Variants in CCDC102B observed in about 807,000 individuals in gnomAD.
The protein encoded by CCDC102B is coiled-coil domain containing 102B, also known as coiled-coil domain-containing protein 102B.
A neutral mutation model predicts 57.4 loss-of-function variants in CCDC102B; 75 were observed. That is an observed-to-expected ratio of 1.31 (90% CI 1.08 to 1.58). The LOEUF (loss-of-function observed/expected upper bound fraction) is 1.58, where lower values mean the gene tolerates loss of function less well. Among genes scored for constraint, CCDC102B ranks in the 40% most tolerant of loss-of-function variants. The pLI is 0.00. For missense variants in CCDC102B, 636 were observed against 582.6 expected, an observed-to-expected ratio of 1.09 and a Z score of -0.94; for synonymous variants, 206 against 201.9, an observed-to-expected ratio of 1.02 and a Z score of -0.17.
At chr18:69,039,065 G>T (rs1239682056) in intron 7 of CCDC102B, among the ~76,000 whole-genome samples, 2 of 151,884 alleles carry the variant, frequency 1.3e-5, no homozygotes, top group East Asian at 1.9e-4. Flanking sequence ...CAACAGGGGG[G>T]TTCCTGTGCT....
intron 2 of CCDC102B, among the ~76,000 whole-genome samples, chr18:68,739,855 G>C (rs1304415704): frequency 6.6e-6 from 1 of 152,162 alleles, no homozygotes; most frequent in Non-Finnish European, 1.5e-5. Context: ...TAGTAGGATT[G>C]CTGCTACACA....
intron 2 of CCDC102B, chr18:68,838,381 T>C (rs1490948744): frequency 2.0e-6 from 2 of 980,750 alleles, no homozygotes; most frequent in East Asian, 2.3e-4. Flanking sequence ...GAAAGAGGAA[T>C]TCATCAACTC....
At chr18:68,889,865 A>G (rs2040014726) in intron 5 of CCDC102B, among the ~76,000 whole-genome samples, 1 of 152,224 alleles carries the variant, frequency 6.6e-6, no homozygotes, top group Non-Finnish European at 1.5e-5. Context: ...GATCCCTTTT[A>G]GGCTAAAACT....
At chr18:68,983,298 G>A (rs565638939) in intron 6 of CCDC102B, among the ~76,000 whole-genome samples, 1 of 151,830 alleles carries the variant, frequency 6.6e-6, no homozygotes, top group African/African-American at 2.4e-5. Flanking sequence ...TGGACATTTG[G>A]CAGTTGACCA....
chr18:68,975,779 C>G (rs1350877878), intron 6 of CCDC102B, among the ~76,000 whole-genome samples: 1 of 151,344 alleles, frequency 6.6e-6, no homozygotes, highest in Admixed American at 6.6e-5. Flanking sequence ...TTCACTAATT[C>G]TTTCTACAAA....
At chr18:68,935,947 A>C (rs2049225507) in intron 6 of CCDC102B, among the ~76,000 whole-genome samples, 1 of 151,950 alleles carries the variant, frequency 6.6e-6, no homozygotes, top group Non-Finnish European at 1.5e-5. Context: ...TCCACATCTC[A>C]TTCTTTACAG....
At chr18:68,828,247 A>T (rs1267169920) in intron 1 of CCDC102B, among the ~76,000 whole-genome samples, 1 of 147,988 alleles carries the variant, frequency 6.8e-6, no homozygotes, top group Non-Finnish European at 1.5e-5. Context: ...TTTATAGAAC[A>T]TTCCACCATA....
intron 2 of CCDC102B, among the ~76,000 whole-genome samples, chr18:68,746,094 T>C (rs2033607989): frequency 6.6e-6 from 1 of 152,152 alleles, no homozygotes; most frequent in South Asian, 2.1e-4. Context: ...TACTAATTTA[T>C]AGCAAATTTT....
At chr18:68,840,299 T>C (rs923773717) in intron 3 of CCDC102B, among the ~76,000 whole-genome samples, 9 of 152,194 alleles carry the variant, frequency 5.9e-5, no homozygotes, top group African/African-American at 1.7e-4. Flanking sequence ...TTTTCCTGGC[T>C]TGAATGGACT....
chr18:69,055,716 C>G (rs147291514), downstream of CCDC102B, among the ~76,000 whole-genome samples: 2 of 152,044 alleles, frequency 1.3e-5, no homozygotes, highest in Admixed American at 1.3e-4. Flanking sequence ...AGATCCTAAA[C>G]GCAAGTGGAA....
chr18:68,830,184 T>A (rs2037087007), intron 1 of CCDC102B, among the ~76,000 whole-genome samples: 1 of 152,020 alleles, frequency 6.6e-6, no homozygotes, highest in South Asian at 2.1e-4. Flanking sequence ...TACAAGATGA[T>A]GTTTACATAG....
intron 2 of CCDC102B, among the ~76,000 whole-genome samples, chr18:68,733,506 A>ATATATATATATATATATTTT (rs1286743067): frequency 1.1e-5 from 1 of 87,644 alleles, no homozygotes; most frequent in African/African-American, 5.5e-5. Flanking sequence ...ATATATATAT[A>ATATATATATATATATATTTT]TTTTTTTAAC....
intron 2 of CCDC102B, among the ~76,000 whole-genome samples, chr18:68,787,602 T>C (rs907753678): frequency 6.6e-5 from 10 of 151,414 alleles, no homozygotes; most frequent in African/African-American, 2.2e-4. Context: ...CTAGATTTTC[T>C]AGTTTATTTG....
At chr18:69,017,995 C>CTCTG (rs2051716615) in intron 7 of CCDC102B, among the ~76,000 whole-genome samples, 2 of 149,414 alleles carry the variant, frequency 1.3e-5, no homozygotes, top group African/African-American at 4.9e-5. Context: ...CTAAATATTT[C>CTCTG]TGTGTGTGTG....
chr18:68,824,234 A>G (rs992223005), intron 1 of CCDC102B, among the ~76,000 whole-genome samples: 1 of 152,202 alleles, frequency 6.6e-6, no homozygotes, highest in South Asian at 2.1e-4. Context: ...GTTTATGTAT[A>G]GTAAAAAGCA....
chr18:68,779,736 CATT>C, intron 2 of CCDC102B, among the ~76,000 whole-genome samples: 1 of 152,128 alleles, frequency 6.6e-6, no homozygotes, highest in South Asian at 2.1e-4. Context: ...AGATGAGTTA[CATT>C]ATTGATTCTA....
chr18:68,807,530 A>G (rs1204589852), intron 1 of CCDC102B, among the ~76,000 whole-genome samples: 1 of 152,184 alleles, frequency 6.6e-6, no homozygotes, highest in African/African-American at 2.4e-5. Flanking sequence ...AAACCAAGCA[A>G]GCTTTGAGAA....
In CCDC102B at chr18:68,958,527, A is replaced by G. The variant is rs78163783; in HGVS notation, c.1264-52407A>G. On this transcript the variant is annotated intron_variant, in intron 6 of 7. Coordinates refer to ENST00000360242, the MANE Select transcript of CCDC102B (RefSeq NM_024781.3). ...TATTATGGTGAAGAATTTTGCATCA[A>G]TCATCATCAGAGATATTGATATTGA... 7.6e-3 allele frequency among the ~76,000 whole-genome samples: 1,159 copies of G among 152,236 alleles called. 8 individuals carry two copies. Among genetic ancestry groups the G allele is most frequent in the Non-Finnish European group, 0.012 (824 of 68,008 alleles).
intron 2 of CCDC102B, among the ~76,000 whole-genome samples, chr18:68,738,993 CTTTTGTTTT>C: frequency 6.9e-6 from 1 of 145,030 alleles, no homozygotes; most frequent in East Asian, 2.1e-4. Flanking sequence ...GATGAGCAGC[CTTTTGTTTT>C]TTTTTTTTTT....
Sources: gnomAD v4.1 joint callset for allele counts (sites outside exome capture counted in the v4.1 genomes callset) on GRCh38, gnomAD v4.1.1 for gene constraint, MANE v1.5 for transcripts, NCBI Gene and HGNC (gene_info 2026-07-23, HGNC 2026-07-21) for gene names.